The following SLC14A2 variants were observed in gnomAD, a reference collection of about 807,000 sequenced individuals.
SLC14A2 encodes solute carrier family 14 member 2.
A neutral mutation model predicts 104.6 loss-of-function variants in SLC14A2; 91 were observed. The observed-to-expected ratio is 0.87, with a 90% CI of 0.73 to 1.04. The LOEUF (loss-of-function observed/expected upper bound fraction) is 1.04, where lower values mean the gene tolerates loss of function less well. Ranked by LOEUF, SLC14A2 falls within the 50% of genes least tolerant of loss-of-function variation. The probability of loss-of-function intolerance (pLI) is 0.00; values close to 1 mark genes in which losing one functional copy is unlikely to be tolerated. For missense variants in SLC14A2, 1,189 were observed against 1,156.0 expected (o/e 1.03, Z -0.41); for synonymous variants, 476 against 466.4 (o/e 1.02, Z -0.27).
chr18:45,492,836 C>T (rs2043025709), intron 2 of SLC14A2, among the ~76,000 whole-genome samples: 1 of 152,192 alleles, frequency 6.6e-6, no homozygotes, highest in Admixed American at 6.5e-5. Flanking sequence ...GTGCTGCTTT[C>T]CTCAATAGAG....
intron 1 of SLC14A2, among the ~76,000 whole-genome samples, chr18:45,429,989 C>T (rs4890284): frequency 0.52 from 79,192 of 152,024 alleles, 21,140 homozygotes; most frequent in Admixed American, 0.67. Flanking sequence ...TAACTGACTG[C>T]GCTGTCTCTT....
intron 5 of SLC14A2, 86 bp from the exon 6 acceptor site, chr18:45,636,904 G>A: frequency 2.9e-6 from 3 of 1,023,890 alleles, no homozygotes; most frequent in South Asian, 3.1e-5. Flanking sequence ...AGAGGAGGCA[G>A]TGGATGATAC....
chr18:45,495,287 T>G (rs912493519), intron 2 of SLC14A2, among the ~76,000 whole-genome samples: 1 of 152,068 alleles, frequency 6.6e-6, no homozygotes, highest in African/African-American at 2.4e-5. Context: ...TTGTCCAAAG[T>G]AGAAAAATAG....
At chr18:45,350,282 C>T (rs1255427181) in intron 1 of SLC14A2, among the ~76,000 whole-genome samples, 2 of 152,218 alleles carry the variant, frequency 1.3e-5, no homozygotes, top group Non-Finnish European at 2.9e-5. Context: ...AATCACAATG[C>T]ATTACTAACA....
chr18:45,401,754 T>C (rs979362900), intron 1 of SLC14A2, among the ~76,000 whole-genome samples: 2 of 152,058 alleles, frequency 1.3e-5, no homozygotes, highest in Non-Finnish European at 2.9e-5. Flanking sequence ...AGGAGGAGGG[T>C]CAACTATGGT....
intron 1 of SLC14A2, among the ~76,000 whole-genome samples, chr18:45,315,620 A>G (rs1372800986): frequency 3.3e-5 from 5 of 152,132 alleles, no homozygotes; most frequent in Non-Finnish European, 1.5e-5. Context: ...CCCATGGCCC[A>G]GTAATACATG....
At chr18:45,528,343 A>G (rs1171924450) in intron 2 of SLC14A2, 2 of 152,140 alleles carry the variant, frequency 1.3e-5, no homozygotes, top group Non-Finnish European at 2.9e-5. Context: ...TCATTCCTGT[A>G]GTTTCAAATC....
At chr18:45,672,843 A>G in intron 16 of SLC14A2, 57 bp from the exon 17 acceptor site, 1 of 1,530,170 alleles carries the variant, frequency 6.5e-7, no homozygotes, top group Non-Finnish European at 8.9e-7. Context: ...CTTGCAGCCA[A>G]GGTCAAGTTG....
chr18:45,214,181 T>C (rs1305170915), intron 1 of SLC14A2, among the ~76,000 whole-genome samples: 1 of 152,214 alleles, frequency 6.6e-6, no homozygotes, highest in Non-Finnish European at 1.5e-5. Flanking sequence ...TGTTTTACTC[T>C]TTGTGTGTAT....
intron 2 of SLC14A2, among the ~76,000 whole-genome samples, chr18:45,499,540 G>C (rs2043157488): frequency 6.6e-6 from 1 of 152,192 alleles, no homozygotes; most frequent in Non-Finnish European, 1.5e-5. Context: ...CTATAAAAAT[G>C]GGTATTATAA....
At chr18:45,577,382 T>C (rs1240759649) in intron 2 of SLC14A2, among the ~76,000 whole-genome samples, 1 of 152,154 alleles carries the variant, frequency 6.6e-6, no homozygotes, top group Admixed American at 6.5e-5. Flanking sequence ...TGCTACTTTC[T>C]ATTTGTAAGA....
the SLC14A2 span, among the ~76,000 whole-genome samples, chr18:45,189,117 A>C: frequency 6.6e-6 from 1 of 152,206 alleles, no homozygotes; most frequent in African/African-American, 2.4e-5. Flanking sequence ...TTTATGTAAA[A>C]AGCTAGTAAG....
At chr18:45,680,100 C>T (rs925660341) in intron 19 of SLC14A2, among the ~76,000 whole-genome samples, 1 of 152,116 alleles carries the variant, frequency 6.6e-6, no homozygotes, top group African/African-American at 2.4e-5. Flanking sequence ...GGTTGAATAG[C>T]GAAGCATCAG....
chr18:45,340,854 G>A (rs1452457273), intron 1 of SLC14A2, among the ~76,000 whole-genome samples: 1 of 152,196 alleles, frequency 6.6e-6, no homozygotes, highest in Admixed American at 6.5e-5. Flanking sequence ...CACAGCATGG[G>A]TAAGGGTGAA....
chr18:45,328,460 T>C lies in SLC14A2; in HGVS notation c.-125+115269T>C, dbSNP rs73429948. Reference sequence around the variant, plus strand: ...CAGGGTTTCAGTTGCACTGAGGTTATGCCCTGAGACAGCTGCTCTTGAGCT... The same window carrying C: ...CAGGGTTTCAGTTGCACTGAGGTTACGCCCTGAGACAGCTGCTCTTGAGCT... On this transcript the variant is annotated intron_variant, in intron 1 of 20. Transcript: ENST00000586448. Among the ~76,000 whole-genome samples the C allele has an allele frequency of 1.7e-3, 254 of 152,334 alleles. 1 individual carries two copies. The highest frequency in any genetic ancestry group is 5.7e-3 in the African/African-American group (239 of 41,574).
chr18:45,363,077 C>A (rs113479320), intron 1 of SLC14A2, among the ~76,000 whole-genome samples: 1 of 152,192 alleles, frequency 6.6e-6, no homozygotes, highest in Non-Finnish European at 1.5e-5. Context: ...CCCCAACCCT[C>A]GGCCAAATCA....
intron 1 of SLC14A2, among the ~76,000 whole-genome samples, chr18:45,293,756 T>A (rs920866719): frequency 6.6e-6 from 1 of 152,168 alleles, no homozygotes; most frequent in South Asian, 2.1e-4. Context: ...TATATTTGAC[T>A]GTGGAAAATC....
intron 1 of SLC14A2, among the ~76,000 whole-genome samples, chr18:45,224,834 C>A (rs943790202): frequency 1.3e-5 from 2 of 152,048 alleles, no homozygotes; most frequent in African/African-American, 4.8e-5. Context: ...ATAGACATTG[C>A]CTCTTGGTTT....
At chr18:45,662,816 C>T (rs2045955194) in intron 10 of SLC14A2, among the ~76,000 whole-genome samples, 1 of 152,060 alleles carries the variant, frequency 6.6e-6, no homozygotes, top group South Asian at 2.1e-4. Flanking sequence ...ACTGGAGCTC[C>T]AAGCAGAGCA....
Sources: gnomAD v4.1 joint callset for allele counts (sites outside exome capture counted in the v4.1 genomes callset) on GRCh38, gnomAD v4.1.1 for gene constraint, MANE v1.5 for transcripts, NCBI Gene and HGNC (gene_info 2026-07-23, HGNC 2026-07-21) for gene names.